The following GBE1 variants were observed in gnomAD, a reference collection of about 807,000 sequenced individuals.
The protein encoded by GBE1 is 1,4-alpha-glucan branching enzyme 1, also known as 1,4-alpha-glucan-branching enzyme.
GBE1 carries 70 observed loss-of-function variants against 88.8 expected under a neutral mutation model. The observed-to-expected ratio is 0.79, with a 90% CI of 0.65 to 0.96. The LOEUF is 0.96. GBE1 is among the 40% of genes least tolerant of loss of function. GBE1 has a pLI of 0.00. For synonymous variants in GBE1, 284 were observed against 300.1 expected, an observed-to-expected ratio of 0.95 and a Z score of 0.56; for missense variants, 872 against 871.0, an observed-to-expected ratio of 1.00 and a Z score of -0.01.
chr3:81,697,844 C>G (rs1230914489), intron 2 of GBE1, among the ~76,000 whole-genome samples: 2 of 151,748 alleles, frequency 1.3e-5, no homozygotes, highest in African/African-American at 2.4e-5. Context: ...TGAGGCCTAC[C>G]CTTAAAGTCT....
chr3:81,704,146 T>C (rs573045043), intron 2 of GBE1, among the ~76,000 whole-genome samples: 29 of 152,094 alleles, frequency 1.9e-4, no homozygotes, highest in Admixed American at 1.1e-3. Flanking sequence ...AATGATAATA[T>C]TTTATATACT....
chr3:81,599,443 C>T, intron 7 of GBE1, among the ~76,000 whole-genome samples: 1 of 152,088 alleles, frequency 6.6e-6, no homozygotes, highest in Admixed American at 6.6e-5. Flanking sequence ...TCTAATAGAG[C>T]ACACCTATGT....
At chr3:81,629,523 T>A (rs932030668) in intron 7 of GBE1, among the ~76,000 whole-genome samples, 1 of 152,068 alleles carries the variant, frequency 6.6e-6, no homozygotes, top group Admixed American at 6.6e-5. Flanking sequence ...AAATAAAATA[T>A]TATAACCACC....
At chr3:81,491,757 A>C (rs1702438570) in intron 15 of GBE1, among the ~76,000 whole-genome samples, 1 of 152,180 alleles carries the variant, frequency 6.6e-6, no homozygotes, top group Non-Finnish European at 1.5e-5. Context: ...TTAGAACCAG[A>C]ATGAAGGTGC....
In GBE1 at chr3:81,490,156, C is replaced by A. The variant is rs1041538302; in HGVS notation, c.*251G>T. On this transcript the variant is annotated 3_prime_UTR_variant, in exon 16 of 16. Coordinates refer to ENST00000429644, the MANE Select transcript of GBE1 (RefSeq NM_000158.4). The stretch of plus-strand genomic sequence containing the variant: ...TTTTAACATATTATATATAACACTT[C>A]CATTTGAGAATCCTAGCTGCTAAGA... 2 of 478,098 alleles carry A rather than the reference C, an allele frequency of 4.2e-6. No homozygotes were observed. The highest frequency in any genetic ancestry group is 4.1e-5 in the African/African-American group (2 of 49,342). 29.6% of individuals were successfully genotyped at this position (478,098 alleles called of 1,614,324 possible).
At chr3:81,686,070 T>C (rs1705433849) in intron 2 of GBE1, among the ~76,000 whole-genome samples, 1 of 152,164 alleles carries the variant, frequency 6.6e-6, no homozygotes, top group South Asian at 2.1e-4. Flanking sequence ...GTGATACCCA[T>C]CTCAACTGGT....
In GBE1 at chr3:81,733,575, A is replaced by G. The variant is rs990749458; in HGVS notation, c.143+27800T>C. On this transcript the variant is annotated intron_variant, in intron 1 of 15. Coordinates refer to ENST00000429644, the MANE Select transcript of GBE1 (RefSeq NM_000158.4). The surrounding 1 kb of genome is among the most constrained non-coding windows in gnomAD (Gnocchi z 4.0). Reference sequence around the variant, plus strand: ...ACTGGCCATTTCTTAGGTCTGGTACACTCTTCCACCAGACAGTGCATGACT... The same window carrying G: ...ACTGGCCATTTCTTAGGTCTGGTACGCTCTTCCACCAGACAGTGCATGACT... Among the ~76,000 whole-genome samples the G allele has an allele frequency of 6.6e-6, 1 of 151,768 alleles. No homozygotes were observed. Among genetic ancestry groups the G allele is most frequent in the East Asian group, 1.9e-4 (1 of 5,174 alleles).
At chr3:81,700,357 T>A (rs1445154107) in intron 2 of GBE1, among the ~76,000 whole-genome samples, 1 of 152,136 alleles carries the variant, frequency 6.6e-6, no homozygotes, top group Non-Finnish European at 1.5e-5. Context: ...TATGGTTATG[T>A]ACCAATTACC....
At chr3:81,531,893 T>C (rs1389328131) in intron 14 of GBE1, among the ~76,000 whole-genome samples, 1 of 152,052 alleles carries the variant, frequency 6.6e-6, no homozygotes, top group Non-Finnish European at 1.5e-5. Flanking sequence ...AGGTTCCAAA[T>C]GCTGGGACAG....
chr3:81,593,759 T>G, intron 8 of GBE1, 149 bp downstream of exon 8: 2 of 562,692 alleles, frequency 3.6e-6, no homozygotes, highest in Non-Finnish European at 6.3e-6. Flanking sequence ...ACTTATAAAA[T>G]GTACTTATAA....
At chr3:81,536,049 T>G (rs1246411806) in intron 13 of GBE1, among the ~76,000 whole-genome samples, 1 of 151,914 alleles carries the variant, frequency 6.6e-6, no homozygotes, top group Non-Finnish European at 1.5e-5. Flanking sequence ...GAACTACAGC[T>G]CTAGAGTAAA....
At chr3:81,512,903 T>C (rs188415538) in intron 14 of GBE1, among the ~76,000 whole-genome samples, 3 of 151,914 alleles carry the variant, frequency 2.0e-5, no homozygotes, top group Admixed American at 6.6e-5. Flanking sequence ...ATACGACTAA[T>C]TAAATTCTCA....
intron 2 of GBE1, among the ~76,000 whole-genome samples, chr3:81,671,633 A>T (rs1208532082): frequency 6.6e-6 from 1 of 152,126 alleles, no homozygotes; most frequent in East Asian, 1.9e-4. Flanking sequence ...AATAAAATAG[A>T]TCTCCACCAA....
intron 1 of GBE1, among the ~76,000 whole-genome samples, chr3:81,737,744 AT>A (rs1203474675): frequency 7.0e-6 from 1 of 143,708 alleles, no homozygotes; most frequent in Non-Finnish European, 1.5e-5. Flanking sequence ...TGTGTTTTTT[AT>A]TTTTTTATTT....
intron 2 of GBE1, among the ~76,000 whole-genome samples, chr3:81,675,433 T>C (rs915473978): frequency 6.6e-6 from 1 of 151,960 alleles, no homozygotes; most frequent in Non-Finnish European, 1.5e-5. Flanking sequence ...AATTTAAATG[T>C]ATTAATGTGA....
Position 81,578,091 on chromosome 3 carries a change from C to T in GBE1, c.1452G>A (p.Leu484=). The change falls in exon 12 of 16, where the codon TTG becomes TTA. Residue 484 remains leucine, a synonymous_variant. Transcript: ENST00000429644. ...IAYAESHDQA[L]VGDKSLAFWL... The stretch of plus-strand genomic sequence containing the variant: ...AAAATGCCAGCGACTTATCCCCAAC[C>T]AATGCCTACAGAAATAAAAGTAATG... The T allele has an allele frequency of 6.3e-7, 1 of 1,592,818 alleles. No homozygotes were observed.
chr3:81,645,888 G>C (rs145074318), intron 6 of GBE1, among the ~76,000 whole-genome samples: 3 of 152,256 alleles, frequency 2.0e-5, no homozygotes, highest in Non-Finnish European at 4.4e-5. Flanking sequence ...TCTTCGGTCT[G>C]TGGTCTTTTA....
chr3:81,704,006 C>T (rs1170773076), intron 2 of GBE1, among the ~76,000 whole-genome samples: 1 of 151,706 alleles, frequency 6.6e-6, no homozygotes, highest in Non-Finnish European at 1.5e-5. Context: ...CCATTGACAC[C>T]GAAGGATTAC....
chr3:81,590,991 T>C (rs1449842151), intron 9 of GBE1, 46 bp downstream of exon 9: 2 of 1,513,860 alleles, frequency 1.3e-6, no homozygotes, highest in Non-Finnish European at 1.8e-6. Flanking sequence ...GACAAAATAC[T>C]CTCTATTAAA....
Sources: allele counts gnomAD v4.1 joint callset (sites outside exome capture counted in the v4.1 genomes callset), GRCh38; gene constraint gnomAD v4.1.1; non-coding constraint Gnocchi (gnomAD v3.1); transcripts MANE v1.5; gene names NCBI Gene and HGNC (gene_info 2026-07-23, HGNC 2026-07-21).